HIBCH: variants seen among roughly 807,000 people sequenced by gnomAD.
The protein encoded by HIBCH is 3-hydroxyisobutyryl-CoA hydrolase, mitochondrial.
HIBCH carries 50 observed loss-of-function variants against 58.2 expected under a neutral mutation model. That is an observed-to-expected ratio of 0.86 (90% CI 0.68 to 1.09). HIBCH has a LOEUF of 1.09. Ranked by LOEUF, HIBCH falls within the 50% of genes least tolerant of loss-of-function variation. The probability of loss-of-function intolerance (pLI) is 0.00; values close to 1 mark genes in which losing one functional copy is unlikely to be tolerated. For synonymous variants in HIBCH, 151 were observed against 146.9 expected (o/e 1.03, Z -0.20); for missense variants, 450 against 449.7 (o/e 1.00, Z -0.01).
At chr2:190,200,037 G>A, downstream of HIBCH, 3 of 1,614,080 alleles carry the variant, frequency 1.9e-6, no homozygotes, top group Admixed American at 3.3e-5. Context: ...CTGTGATCTT[G>A]GAATATGCAC....
At chr2:190,191,857 A>C (rs1200086985) in intron 1 of HIBCH, among the ~76,000 whole-genome samples, 4 of 151,798 alleles carry the variant, frequency 2.6e-5, no homozygotes, top group Non-Finnish European at 5.9e-5. Context: ...TTCTGGATTC[A>C]AGTCATTTAT....
At position 190,254,945 on chromosome 2, in the gene HIBCH, T is replaced by C. The variant is rs1686882084; in HGVS notation, c.518-2638A>G. Among the ~76,000 whole-genome samples, 1 of 152,210 alleles carries C rather than the reference T, an allele frequency of 6.6e-6. No individual in the cohort carries two copies. Among genetic ancestry groups the C allele is most frequent in the South Asian group, 2.1e-4 (1 of 4,828 alleles). Reference sequence around the variant, plus strand: ...TGTGACTGAGGAACTGAATTTGTTTTCTTTAAATTTAATTAATTTATATTA... The same window carrying C: ...TGTGACTGAGGAACTGAATTTGTTTCCTTTAAATTTAATTAATTTATATTA... On this transcript the variant is annotated intron_variant, in intron 7 of 13. Coordinates refer to ENST00000359678, the MANE Select transcript of HIBCH (RefSeq NM_014362.4). This position sits in a 1 kb window ranked among gnomAD's most constrained non-coding sequence, Gnocchi z 5.0.
rs1690548245 is a variant in HIBCH, at chr2:190,212,998, T to C, written c.969A>G (p.Gln323=). ...GCCGATACTCCATAGTTAGTACTTC[T>C]TGCAAGGTCTTTGAAGACCCCTCCA... The part of the protein sequence containing the change: ...QLMEGSSKTL[Q]EVLTMEYRLS... Residue 323 remains glutamine (Q), a synonymous_variant, in exon 12 of 14, where the codon CAA becomes CAG. Coordinates refer to ENST00000359678, the MANE Select transcript of HIBCH (RefSeq NM_014362.4). The C allele has an allele frequency of 6.2e-7, 1 of 1,612,146 alleles. No individual in the cohort carries two copies. The highest frequency in any genetic ancestry group is 1.7e-5 in the Admixed American group (1 of 60,016).
At chr2:190,251,965 C>T (rs1229930147) in intron 8 of HIBCH, among the ~76,000 whole-genome samples, 197 bp downstream of exon 8, 4 of 152,042 alleles carry the variant, frequency 2.6e-5, no homozygotes, top group South Asian at 2.1e-4. Flanking sequence ...TCATTATCTC[C>T]AGTTTGCATA....
At chr2:190,255,216 C>T (rs1686888361) in intron 7 of HIBCH, among the ~76,000 whole-genome samples, 1 of 152,154 alleles carries the variant, frequency 6.6e-6, no homozygotes, top group Non-Finnish European at 1.5e-5. Flanking sequence ...CACCAGAGGC[C>T]CCCATGTACC....
chr2:190,226,363 A>G (rs1158751872), intron 11 of HIBCH, among the ~76,000 whole-genome samples: 1 of 152,208 alleles, frequency 6.6e-6, no homozygotes, highest in Non-Finnish European at 1.5e-5. Context: ...TGGGAGGTCG[A>G]GGCGGGCAGA....
intron 10 of HIBCH, among the ~76,000 whole-genome samples, 174 bp from the exon 11 acceptor site, chr2:190,245,142 G>A (rs1194654302): frequency 2.0e-5 from 3 of 152,146 alleles, no homozygotes; most frequent in African/African-American, 4.8e-5. Flanking sequence ...GTAAGCATTT[G>A]CCGTCTACCT....
chr2:190,223,634 G>C (rs562823357), intron 11 of HIBCH, among the ~76,000 whole-genome samples: 2 of 152,338 alleles, frequency 1.3e-5, no homozygotes, highest in South Asian at 4.1e-4. Flanking sequence ...AATATAATTA[G>C]TTCTTAGAGG....
At chr2:190,259,551 G>GT (rs1559039085) in intron 7 of HIBCH, among the ~76,000 whole-genome samples, 1 of 151,944 alleles carries the variant, frequency 6.6e-6, no homozygotes, top group Non-Finnish European at 1.5e-5. Flanking sequence ...TAGGGATGTC[G>GT]TTTCGCCATA....
At chr2:190,310,315 T>C (rs1003689175) in intron 2 of HIBCH, among the ~76,000 whole-genome samples, 1 of 152,236 alleles carries the variant, frequency 6.6e-6, no homozygotes. Flanking sequence ...CTTTATCTTG[T>C]GATCATGTGA....
intron 1 of HIBCH, among the ~76,000 whole-genome samples, chr2:190,312,961 T>C (rs1688597565): frequency 6.6e-6 from 1 of 152,188 alleles, no homozygotes; most frequent in South Asian, 2.1e-4. Flanking sequence ...TAGCCAGGCA[T>C]GGTGGTGGGC....
intron 1 of HIBCH, among the ~76,000 whole-genome samples, chr2:190,191,574 T>C (rs1327849829): frequency 1.3e-5 from 2 of 152,232 alleles, no homozygotes; most frequent in Non-Finnish European, 2.9e-5. Flanking sequence ...CCAGAGGCCA[T>C]GTCATTTTGC....
chr2:190,208,211 AGCAATGTTTAACT>A (rs1162251452), intron 13 of HIBCH, among the ~76,000 whole-genome samples: 3 of 152,214 alleles, frequency 2.0e-5, no homozygotes, highest in Non-Finnish European at 1.5e-5. Flanking sequence ...CTTTTTCCCC[AGCAATGTTTAACT>A]GCTGAGGTAC....
intron 11 of HIBCH, among the ~76,000 whole-genome samples, chr2:190,228,081 G>T (rs923817796): frequency 6.6e-5 from 10 of 152,098 alleles, no homozygotes; most frequent in Non-Finnish European, 1.3e-4. Flanking sequence ...AAATCATGCT[G>T]CCATAAAGAC....
chr2:190,245,471 A>T (rs1284698135), intron 10 of HIBCH: 1 of 155,522 alleles, frequency 6.4e-6, no homozygotes, highest in Non-Finnish European at 1.4e-5. Flanking sequence ...CACTAATATA[A>T]ATTCAAATCA....
intron 11 of HIBCH, among the ~76,000 whole-genome samples, chr2:190,225,193 C>A (rs929960321): frequency 5.3e-5 from 8 of 152,310 alleles, no homozygotes; most frequent in African/African-American, 1.9e-4. Context: ...GACACCCTAA[C>A]ATCACAATTA....
intron 6 of HIBCH, among the ~76,000 whole-genome samples, chr2:190,285,410 T>G (rs1866849): frequency 0.71 from 108,145 of 151,970 alleles, 39,134 homozygotes; most frequent in Non-Finnish European, 0.75. Flanking sequence ...AGTACTTTTT[T>G]CAGAGAGCTT....
In HIBCH at chr2:190,287,086, C is replaced by T. The variant is rs914491511; in HGVS notation, c.438+500G>A. On this transcript the variant is annotated intron_variant, in intron 6 of 13. Coordinates refer to ENST00000359678, the MANE Select transcript of HIBCH (RefSeq NM_014362.4). ...TACATATATTTTTTTGTTTTTGAGA[C>T]AGTCTCACTTTGTCACCCAGGCTGG... Among the ~76,000 whole-genome samples the T allele has an allele frequency of 1.6e-4, 21 of 129,618 alleles. 1 individual carries two copies. Among genetic ancestry groups the T allele is most frequent in the South Asian group, 4.9e-4 (2 of 4,104 alleles). 85.0% of individuals were successfully genotyped at this position (129,618 alleles called of 152,430 possible).
At chr2:190,264,403 T>A (rs1254980995) in intron 6 of HIBCH, among the ~76,000 whole-genome samples, 1 of 152,146 alleles carries the variant, frequency 6.6e-6, no homozygotes, top group Non-Finnish European at 1.5e-5. Context: ...CACACCCATG[T>A]AACCAAAACC....
Sources: gnomAD v4.1 joint callset for allele counts (sites outside exome capture counted in the v4.1 genomes callset) on GRCh38, gnomAD v4.1.1 for gene constraint, Gnocchi (gnomAD v3.1) non-coding constraint, MANE v1.5 for transcripts, NCBI Gene and HGNC (gene_info 2026-07-23, HGNC 2026-07-21) for gene names.